Variants in KIT observed in about 807,000 individuals in gnomAD.
KIT encodes mast/stem cell growth factor receptor Kit.
KIT carries 16 observed loss-of-function variants against 105.7 expected under a neutral mutation model. That is an observed-to-expected ratio of 0.15 (90% CI 0.10 to 0.23). The LOEUF is 0.23. Among genes scored for constraint, KIT ranks in the 10% least tolerant of loss-of-function variants. The pLI is 1.00. For missense variants in KIT, 858 were observed against 1,213.8 expected (o/e 0.71, Z 4.36); for synonymous variants, 438 against 441.1 (o/e 0.99, Z 0.09).
chr4:54,726,073 T>C (rs55696150), intron 9 of KIT, 23 bp downstream of exon 9: 1 of 1,582,300 alleles, frequency 6.3e-7, no homozygotes, highest in African/African-American at 1.3e-5. Flanking sequence ...TTAATCCAAT[T>C]TAAGGGGATG....
intron 13 of KIT, 154 bp from the exon 14 acceptor site, chr4:54,729,181 G>T: frequency 2.7e-6 from 2 of 730,234 alleles, no homozygotes; most frequent in Admixed American, 5.1e-5. Flanking sequence ...TTTTTGATAA[G>T]CAGTGTTAAT....
At chr4:54,712,246 A>G (rs1721207603) in intron 7 of KIT, among the ~76,000 whole-genome samples, 1 of 152,244 alleles carries the variant, frequency 6.6e-6, no homozygotes, top group Non-Finnish European at 1.5e-5. Flanking sequence ...CAATATACAA[A>G]ATACAAGCTC....
chr4:54,729,132 G>C (rs1722423548), intron 13 of KIT, among the ~76,000 whole-genome samples: 1 of 152,178 alleles, frequency 6.6e-6, no homozygotes, highest in Non-Finnish European at 1.5e-5. Context: ...CAGGTTAAAA[G>C]AGGCTTGCTT....
chr4:54,667,044 A>C (rs1261837901), intron 1 of KIT, among the ~76,000 whole-genome samples: 2 of 152,158 alleles, frequency 1.3e-5, no homozygotes, highest in South Asian at 4.1e-4. Context: ...AGAAATCCAT[A>C]ATCTATCATT....
rs1722618891 is a variant in KIT, at chr4:54,731,877, A to G, written c.2240A>G (p.Tyr747Cys). 3 of 1,613,344 alleles carry G rather than the reference A, an allele frequency of 1.9e-6. No homozygotes were observed. Among genetic ancestry groups the G allele is most frequent in the East Asian group, 2.2e-5 (1 of 44,856 alleles). The change falls in exon 16 of 21, where the codon TAC becomes TGC. Residue 747 changes from tyrosine to cysteine, a missense_variant. Tyr to Cys is a radical substitution (Grantham distance 194). Coordinates refer to ENST00000288135, the MANE Select transcript of KIT (RefSeq NM_000222.3). ...AATCCTCTCTTCCTCACAGGCTCAT[A>G]CATAGAAAGAGATGTGACTCCCGCC... ...DKRRSVRIGS[Y>C]IERDVTPAIM... is the part of the protein sequence containing the mutation.
intron 3 of KIT, 130 bp from the exon 4 acceptor site, chr4:54,699,500 T>G: frequency 9.9e-7 from 1 of 1,009,516 alleles, no homozygotes; most frequent in Non-Finnish European, 1.5e-6. Flanking sequence ...TACAGATAGG[T>G]TAGCACCATG....
Position 54,698,575 on chromosome 4 carries a change from C to CT in KIT, c.619+13dup, listed in dbSNP as rs1720240822. 6.2e-7 allele frequency: 1 copy of CT among 1,613,696 alleles called. No homozygotes were observed. Among genetic ancestry groups the CT allele is most frequent in the African/African-American group, 1.3e-5 (1 of 74,932 alleles). On this transcript the variant is annotated intron_variant, in intron 3 of 20. Transcript: ENST00000288135. ...CTGAAAGTGAGGCCAGGTACTGGCT[C>CT]TTTCTTATCTGCCTCTGGGAGTTGA... is the stretch of plus-strand genomic sequence containing the variant.
At chr4:54,674,594 A>G (rs1054423224) in intron 1 of KIT, among the ~76,000 whole-genome samples, 13 of 152,232 alleles carry the variant, frequency 8.5e-5, no homozygotes, top group Non-Finnish European at 1.6e-4. Context: ...CTTTGGGTCA[A>G]TGAAATCTGG....
At position 54,731,376 on chromosome 4, in the gene KIT, T is replaced by C. The variant is rs761317949; in HGVS notation, c.2190T>C (p.Tyr730=). The C allele has an allele frequency of 7.4e-6, 12 of 1,613,610 alleles. No individual in the cohort carries two copies. Among genetic ancestry groups the C allele is most frequent in the South Asian group, 1.1e-5 (1 of 91,072 alleles). ...TGGACATGAAACCTGGAGTTTCTTA[T>C]GTTGTCCCAACCAAGGCCGACAAAA... The part of the protein sequence containing the change: ...EYMDMKPGVS[Y]VVPTKADKRR... The change falls in exon 15 of 21, where the codon TAT becomes TAC. Residue 730 remains tyrosine (Y), a synonymous_variant. Transcript: ENST00000288135.
chr4:54,704,530 A>T (rs1015618024), intron 5 of KIT, among the ~76,000 whole-genome samples: 1 of 152,122 alleles, frequency 6.6e-6, no homozygotes, highest in South Asian at 2.1e-4. Context: ...TGGTATGCAC[A>T]ATTGGTTCAG....
At chr4:54,704,515 A>G (rs1342645532) in intron 5 of KIT, among the ~76,000 whole-genome samples, 2 of 152,168 alleles carry the variant, frequency 1.3e-5, no homozygotes, top group East Asian at 3.9e-4. Context: ...GGACCCCATC[A>G]TATCTGGTAT....
intron 14 of KIT, among the ~76,000 whole-genome samples, chr4:54,730,362 CTT>C (rs908164634): frequency 2.6e-5 from 4 of 152,160 alleles, no homozygotes; most frequent in African/African-American, 9.7e-5. Flanking sequence ...CTCCTGAACT[CTT>C]AACACCAGGT....
Position 54,703,717 on chromosome 4 carries a change from C to G in KIT, c.757-7C>G, listed in dbSNP as rs760308110. ...CATTTTTTTTTCTCCTTTTCTGAAACCAGCAGACTAAACTACAGGAGAAAT... is the reference window on the plus strand; with the variant it reads ...CATTTTTTTTTCTCCTTTTCTGAAAGCAGCAGACTAAACTACAGGAGAAAT... On this transcript the variant is annotated splice_region_variant and splice_polypyrimidine_tract_variant and intron_variant, in intron 4 of 20. Coordinates refer to ENST00000288135, the MANE Select transcript of KIT (RefSeq NM_000222.3). 7 of 1,611,066 alleles carry G rather than the reference C, an allele frequency of 4.3e-6. No individual in the cohort carries two copies. Among genetic ancestry groups the G allele is most frequent in the Non-Finnish European group, 5.9e-6 (7 of 1,177,762 alleles).
chr4:54,726,609 G>A (rs1296538246), intron 9 of KIT, among the ~76,000 whole-genome samples: 1 of 152,106 alleles, frequency 6.6e-6, no homozygotes, highest in Non-Finnish European at 1.5e-5. Context: ...AAGAAACTGG[G>A]CACTTACTTT....
chr4:54,727,597 A>C, intron 11 of KIT, 55 bp downstream of exon 11: 1 of 1,604,162 alleles, frequency 6.2e-7, no homozygotes, highest in Non-Finnish European at 8.5e-7. Context: ...CATAACAGTG[A>C]CTTTAAGGAA....
Position 54,703,891 on chromosome 4 carries a change from A to G in KIT, c.924A>G (p.Val308=), listed in dbSNP as rs1164605560. The part of the protein sequence containing the change: ...SANVTTTLEV[V]DKGFINIFPM... ...ATGTCACAACAACCTTGGAAGTAGT[A>G]GGTAAATACCTCTATGGGAATGTTT... Residue 308 remains valine, a splice_region_variant and synonymous_variant, in exon 5 of 21, where the codon GTA becomes GTG. Coordinates refer to ENST00000288135, the MANE Select transcript of KIT (RefSeq NM_000222.3). 3 of 1,610,032 alleles carry G rather than the reference A, an allele frequency of 1.9e-6. No individual in the cohort carries two copies. In the South Asian group the frequency reaches 3.3e-5, roughly 18 times the overall value.
At chr4:54,663,567 CATGTTT>C (rs1203314345) in intron 1 of KIT, among the ~76,000 whole-genome samples, 2 of 150,622 alleles carry the variant, frequency 1.3e-5, no homozygotes, top group African/African-American at 4.9e-5. Context: ...AGTGGTAATG[CATGTTT>C]ATCTGCTTGG....
chr4:54,708,993 A>T (rs1720968515), intron 6 of KIT, among the ~76,000 whole-genome samples: 1 of 152,088 alleles, frequency 6.6e-6, no homozygotes, highest in Admixed American at 6.5e-5. Flanking sequence ...GACCTCGCTG[A>T]GGGCCCAGAG....
chr4:54,664,332 T>C (rs756407953), intron 1 of KIT, among the ~76,000 whole-genome samples: 4 of 152,040 alleles, frequency 2.6e-5, no homozygotes, highest in Admixed American at 1.3e-4. Context: ...GGAGGGAATG[T>C]GTATTTAGTG....
Sources: allele counts gnomAD v4.1 joint callset (sites outside exome capture counted in the v4.1 genomes callset), GRCh38; gene constraint gnomAD v4.1.1; transcripts MANE v1.5; gene names NCBI Gene and HGNC (gene_info 2026-07-23, HGNC 2026-07-21).